Variants in DOCK10 observed in about 807,000 individuals in gnomAD.
DOCK10 encodes dedicator of cytokinesis 10.
DOCK10 carries 145 observed loss-of-function variants against 280.1 expected under a neutral mutation model. The observed-to-expected ratio is 0.52, with a 90% CI of 0.45 to 0.59. The LOEUF (loss-of-function observed/expected upper bound fraction) is 0.59, where lower values mean the gene tolerates loss of function less well. Among genes scored for constraint, DOCK10 ranks in the 20% least tolerant of loss-of-function variants. The pLI is 0.00. For missense variants in DOCK10, 2,368 were observed against 2,651.7 expected, an observed-to-expected ratio of 0.89 and a Z score of 2.35; for synonymous variants, 915 against 942.2, an observed-to-expected ratio of 0.97 and a Z score of 0.53.
intron 7 of DOCK10, among the ~76,000 whole-genome samples, chr2:224,882,342 C>T (rs557546595): frequency 6.6e-6 from 1 of 152,052 alleles, no homozygotes; most frequent in Non-Finnish European, 1.5e-5. Flanking sequence ...GGAGCATAGG[C>T]CCATAAAAAA....
At chr2:224,778,754 G>T (rs1020472553) in intron 50 of DOCK10, among the ~76,000 whole-genome samples, 2 of 152,136 alleles carry the variant, frequency 1.3e-5, no homozygotes, top group Non-Finnish European at 2.9e-5. Context: ...TAAATGGGCT[G>T]ACGTGCATCC....
Position 224,789,156 on chromosome 2 carries a change from C to T in DOCK10, c.5326G>A (p.Gly1776Arg). The T allele has an allele frequency of 6.2e-7, 1 of 1,612,376 alleles. No homozygotes were observed. Among genetic ancestry groups the T allele is most frequent in the Non-Finnish European group, 8.5e-7 (1 of 1,178,716 alleles). The part of the protein sequence containing the change: ...TPSGGSMFSM[G>R]WPAFLSITPN... ...GTAATGCTCAAAAAAGCTGGCCATC[C>T]CATAGAGAACATGCCTTGGGAGGAC... is the stretch of plus-strand genomic sequence containing the variant. The change falls in exon 48 of 56, where the codon GGA becomes AGA. Residue 1776 changes from glycine to arginine, a missense_variant. Transcript: ENST00000258390.
At chr2:225,033,587 T>C (rs10195318) in intron 1 of DOCK10, among the ~76,000 whole-genome samples, 42,872 of 152,044 alleles carry the variant, frequency 0.28, 6,639 homozygotes, top group African/African-American at 0.4. Flanking sequence ...TTGCCACTAA[T>C]TCAGTCACAT....
At chr2:224,998,073 A>C (rs1264665800) in intron 1 of DOCK10, among the ~76,000 whole-genome samples, 1 of 152,024 alleles carries the variant, frequency 6.6e-6, no homozygotes, top group Non-Finnish European at 1.5e-5. Context: ...GCTCTCAGTG[A>C]CTCAGGAACA....
intron 31 of DOCK10, among the ~76,000 whole-genome samples, chr2:224,808,879 A>G (rs991439635): frequency 6.6e-6 from 1 of 151,996 alleles, no homozygotes; most frequent in Non-Finnish European, 1.5e-5. Context: ...AGGACATTGT[A>G]GCAATGGGGG....
intron 1 of DOCK10, among the ~76,000 whole-genome samples, chr2:225,022,942 G>T (rs1689821364): frequency 6.6e-6 from 1 of 152,180 alleles, no homozygotes; most frequent in Non-Finnish European, 1.5e-5. Context: ...ATGATGGAAA[G>T]ATACTGTTCC....
intron 2 of DOCK10, among the ~76,000 whole-genome samples, chr2:224,926,777 A>C (rs1286423635): frequency 1.3e-5 from 2 of 152,216 alleles, no homozygotes; most frequent in African/African-American, 2.4e-5. Flanking sequence ...TTGGTTCCTC[A>C]AGGTACTCAA....
intron 1 of DOCK10, among the ~76,000 whole-genome samples, chr2:224,975,415 G>A (rs1705376702): frequency 6.6e-6 from 1 of 151,978 alleles, no homozygotes; most frequent in East Asian, 1.9e-4. Context: ...CTTTCCCAGG[G>A]GAATCTGATA....
At chr2:224,984,474 C>T (rs1005633228) in intron 1 of DOCK10, among the ~76,000 whole-genome samples, 1 of 152,212 alleles carries the variant, frequency 6.6e-6, no homozygotes, top group African/African-American at 2.4e-5. Context: ...GAGGAATTCA[C>T]CCCTATTATT....
chr2:224,908,616 C>T (rs926454419), intron 3 of DOCK10, among the ~76,000 whole-genome samples: 1 of 152,122 alleles, frequency 6.6e-6, no homozygotes, highest in African/African-American at 2.4e-5. Context: ...CCTGCATCGG[C>T]CTCCTGAGTA....
Position 224,830,568 on chromosome 2 carries a change from C to A in DOCK10, c.3009G>T (p.Gln1003His). The change falls in exon 27 of 56, where the codon CAG becomes CAT. Residue 1003 changes from glutamine (Q) to histidine (H), a missense_variant. This residue lies in a region of DOCK10 where 1,209 missense variants were observed against 1,250.9 expected (regional missense o/e 0.97). Transcript: ENST00000258390. ...FFAIILKSMA[Q>H]HLIDTNKIQL... ...GGATTTTATTTGTGTCAATCAAGTG[C>A]TGTGCCATCGATTTTAGGATAATTG... The A allele has an allele frequency of 6.5e-7, 1 of 1,533,544 alleles. No homozygotes were observed. Among genetic ancestry groups the A allele is most frequent in the South Asian group, 1.3e-5 (1 of 74,382 alleles). 95.0% of individuals were successfully genotyped at this position (1,533,544 alleles called of 1,614,324 possible).
chr2:224,941,212 T>TA (rs200929261), intron 1 of DOCK10, among the ~76,000 whole-genome samples: 2 of 151,574 alleles, frequency 1.3e-5, no homozygotes, highest in Non-Finnish European at 2.9e-5. Context: ...TTTTTTTTTT[T>TA]AGATGAGTAA....
At chr2:224,930,813 T>C (rs1241823898) in intron 2 of DOCK10, among the ~76,000 whole-genome samples, 1 of 152,220 alleles carries the variant, frequency 6.6e-6, no homozygotes, top group Non-Finnish European at 1.5e-5. Flanking sequence ...CAGGAAAGTT[T>C]AATAGCTGCC....
At chr2:225,019,585 T>C (rs539668580) in intron 1 of DOCK10, among the ~76,000 whole-genome samples, 81 of 152,238 alleles carry the variant, frequency 5.3e-4, no homozygotes, top group African/African-American at 1.9e-3. Flanking sequence ...TCCATCTGGT[T>C]CCCGCTGCTC....
chr2:224,781,707 A>G (rs1047846833), intron 50 of DOCK10, among the ~76,000 whole-genome samples: 1 of 152,224 alleles, frequency 6.6e-6, no homozygotes, highest in African/African-American at 2.4e-5. Flanking sequence ...TCATTTTGCA[A>G]TGCAGTAAAC....
intron 1 of DOCK10, among the ~76,000 whole-genome samples, chr2:225,037,395 T>A (rs1163397939): frequency 6.6e-6 from 1 of 152,150 alleles, no homozygotes; most frequent in East Asian, 1.9e-4. Context: ...GAAGAACAGT[T>A]TTCCTAATCC....
chr2:224,776,573 C>A (rs1219199854), intron 51 of DOCK10, among the ~76,000 whole-genome samples: 2 of 151,964 alleles, frequency 1.3e-5, no homozygotes, highest in Non-Finnish European at 2.9e-5. Context: ...GAAATTTCTG[C>A]CCAGACTCAA....
In DOCK10 at chr2:224,806,176, G is replaced by A. The variant is rs2053667706; in HGVS notation, c.3764C>T (p.Ala1255Val). 1 of 1,611,252 alleles carries A rather than the reference G, an allele frequency of 6.2e-7. No homozygotes were observed. The highest frequency in any genetic ancestry group is 1.1e-5 in the South Asian group (1 of 90,940). Reference sequence around the variant, plus strand: ...AGAAAATGATGTATCCACAGAGTTTGCATGTTTGATAGCTGTCTGGCTTTG... The same window carrying A: ...AGAAAATGATGTATCCACAGAGTTTACATGTTTGATAGCTGTCTGGCTTTG... Reference protein sequence around the residue: ...GFQSQTAIKHANSVDTSFSKD... With the variant: ...GFQSQTAIKHVNSVDTSFSKD... Residue 1255 changes from alanine to valine, a missense_variant, in exon 34 of 56, where the codon GCA becomes GTA. By Grantham distance (64) the Ala-to-Val change is moderately conservative (BLOSUM62 0). Around this residue, in one of 2 missense-constraint regions of DOCK10, gnomAD observed 1,159 missense variants for 1,400.8 expected, o/e 0.83. Coordinates refer to ENST00000258390, the MANE Select transcript of DOCK10 (RefSeq NM_014689.3).
chr2:224,871,976 T>C (rs986290443), intron 11 of DOCK10, among the ~76,000 whole-genome samples: 1 of 152,238 alleles, frequency 6.6e-6, no homozygotes, highest in Non-Finnish European at 1.5e-5. Context: ...ACTTCCTGTT[T>C]TCCCAGTTCT....
Sources: gnomAD v4.1 joint callset for allele counts (sites outside exome capture counted in the v4.1 genomes callset) on GRCh38, gnomAD v4.1.1 for gene constraint, gnomAD v4.1.1 regional missense constraint, MANE v1.5 for transcripts, NCBI Gene and HGNC (gene_info 2026-07-23, HGNC 2026-07-21) for gene names.